Variants in RBFOX3 observed in about 807,000 individuals in gnomAD.
RBFOX3 encodes the protein RNA binding protein fox-1 homolog 3.
Under a neutral mutation model 48.7 loss-of-function variants are expected in RBFOX3, and 17 were observed. That is an observed-to-expected ratio of 0.35 (90% CI 0.24 to 0.52). RBFOX3 has a LOEUF of 0.52. Among genes scored for constraint, RBFOX3 ranks in the 20% least tolerant of loss-of-function variants. RBFOX3 has a pLI of 0.94. For synonymous variants in RBFOX3, 212 were observed against 209.5 expected, an observed-to-expected ratio of 1.01 and a Z score of -0.10; for missense variants, 382 against 497.5, an observed-to-expected ratio of 0.77 and a Z score of 2.21.
chr17:79,246,741 G>C (rs2063224051), intron 3 of RBFOX3, among the ~76,000 whole-genome samples: 1 of 152,188 alleles, frequency 6.6e-6, no homozygotes, highest in Non-Finnish European at 1.5e-5. Context: ...ACCTGAAGAG[G>C]CACCACCTCT....
At chr17:79,307,467 A>G (rs555466020) in intron 3 of RBFOX3, among the ~76,000 whole-genome samples, 3 of 152,228 alleles carry the variant, frequency 2.0e-5, no homozygotes, top group Non-Finnish European at 2.9e-5. Context: ...CTTGCTGATC[A>G]GTCTATTAAT....
rs796452434 is a variant in RBFOX3, at chr17:79,311,448, A to AC, written c.-174-3625_-174-3624insG. Among the ~76,000 whole-genome samples, 220 of 151,030 alleles carry AC rather than the reference A, an allele frequency of 1.5e-3. 1 individual carries two copies. Among genetic ancestry groups the AC allele is most frequent in the African/African-American group, 5.0e-3 (204 of 40,664 alleles). ...GACTCCATCTCCAAAAAAAAAAAAA[A>AC]AAAAAACAGACTGCAGCACCAATTC... is the stretch of plus-strand genomic sequence containing the variant. On this transcript the variant is annotated intron_variant, in intron 2 of 14. Transcript: ENST00000693108. This position sits in a 1 kb window ranked among gnomAD's most constrained non-coding sequence, Gnocchi z 4.2.
intron 2 of RBFOX3, among the ~76,000 whole-genome samples, chr17:79,442,560 A>C (rs916107883): frequency 2.6e-5 from 4 of 152,038 alleles, no homozygotes; most frequent in Non-Finnish European, 5.9e-5. Flanking sequence ...TCATGACAAA[A>C]TGCAGACACA....
At chr17:79,148,571 C>T (rs562196847) in intron 4 of RBFOX3, among the ~76,000 whole-genome samples, 7 of 152,368 alleles carry the variant, frequency 4.6e-5, no homozygotes, top group South Asian at 2.1e-4. Context: ...CACTGAACTT[C>T]TCTGGGTATC....
At chr17:79,239,984 C>A (rs1029594350) in intron 3 of RBFOX3, among the ~76,000 whole-genome samples, 5 of 152,194 alleles carry the variant, frequency 3.3e-5, no homozygotes, top group South Asian at 2.1e-4. Flanking sequence ...CTCCTTTAGG[C>A]CCCTTGATTC....
intron 1 of RBFOX3, among the ~76,000 whole-genome samples, chr17:79,489,240 T>TAAAAAAAAAAAAAAA (rs71161671): frequency 7.9e-6 from 1 of 126,510 alleles, no homozygotes; most frequent in Non-Finnish European, 1.6e-5. Flanking sequence ...GCCAGAAAGT[T>TAAAAAAAAAAAAAAA]AAAAAAAAAA....
intron 2 of RBFOX3, among the ~76,000 whole-genome samples, chr17:79,313,096 C>T (rs1367588362): frequency 6.6e-6 from 1 of 152,230 alleles, no homozygotes; most frequent in Non-Finnish European, 1.5e-5. Context: ...GGCACCTCTA[C>T]ATTGCTCTTG....
At chr17:79,625,370 T>G in the RBFOX3 span, among the ~76,000 whole-genome samples, 1 of 152,218 alleles carries the variant, frequency 6.6e-6, no homozygotes, top group Non-Finnish European at 1.5e-5. Flanking sequence ...CTGAGTAGTA[T>G]TCCATCGCAT....
intron 2 of RBFOX3, among the ~76,000 whole-genome samples, chr17:79,380,883 A>G (rs1040538165): frequency 2.0e-5 from 3 of 152,162 alleles, no homozygotes; most frequent in Non-Finnish European, 4.4e-5. Flanking sequence ...GTCGGCAGAC[A>G]TTGCTGCCCC....
chr17:79,260,587 G>A (rs1012394095), intron 3 of RBFOX3, among the ~76,000 whole-genome samples: 9 of 152,320 alleles, frequency 5.9e-5, no homozygotes, highest in African/African-American at 2.2e-4. Flanking sequence ...TCTGAGGGCA[G>A]CACTGATGGC....
intron 2 of RBFOX3, among the ~76,000 whole-genome samples, chr17:79,353,801 G>C: frequency 6.6e-6 from 1 of 152,054 alleles, no homozygotes; most frequent in South Asian, 2.1e-4. Context: ...TGAGGCACGA[G>C]GGGCCCCCAC....
At chr17:79,620,621 A>G in the RBFOX3 span, among the ~76,000 whole-genome samples, 1 of 97,928 alleles carries the variant, frequency 1.0e-5, no homozygotes, top group Non-Finnish European at 2.0e-5. Context: ...GCACACACGC[A>G]CATGCACACA....
chr17:79,108,964 C>T (rs2707028), intron 5 of RBFOX3, among the ~76,000 whole-genome samples: 58,612 of 152,086 alleles, frequency 0.39, 11,401 homozygotes, highest in Middle Eastern at 0.5. Flanking sequence ...CGTTGAACAG[C>T]GAGGATGCAG....
intron 6 of RBFOX3, 71 bp downstream of exon 6, chr17:79,106,580 G>T: frequency 1.4e-6 from 2 of 1,389,140 alleles, no homozygotes; most frequent in Non-Finnish European, 1.9e-6. Flanking sequence ...CAGGAAGGCA[G>T]GGCCTGTGGG....
At chr17:79,301,214 C>T (rs1185798582) in intron 3 of RBFOX3, among the ~76,000 whole-genome samples, 1 of 152,228 alleles carries the variant, frequency 6.6e-6, no homozygotes, top group Non-Finnish European at 1.5e-5. Flanking sequence ...TTTCTGGGTC[C>T]CAGCCCTTTA....
At chr17:79,598,144 C>T (rs1438867543) in intron 1 of RBFOX3, 1 of 152,280 alleles carries the variant, frequency 6.6e-6, no homozygotes, top group Non-Finnish European at 1.5e-5. Flanking sequence ...ATAACATTGC[C>T]TGGGCAGAAG....
chr17:79,261,591 C>T (rs149973249), intron 3 of RBFOX3, among the ~76,000 whole-genome samples: 2 of 152,302 alleles, frequency 1.3e-5, no homozygotes, highest in African/African-American at 2.4e-5. Flanking sequence ...GTCAATGATG[C>T]GGCAGGTCTG....
chr17:79,493,335 G>A (rs958384237), intron 1 of RBFOX3, among the ~76,000 whole-genome samples: 5 of 152,100 alleles, frequency 3.3e-5, no homozygotes, highest in African/African-American at 9.7e-5. Flanking sequence ...ATTTCAACAC[G>A]AGAGTTGGAG....
intron 1 of RBFOX3, among the ~76,000 whole-genome samples, chr17:79,511,951 C>T (rs1192450033): frequency 4.0e-5 from 6 of 148,230 alleles, no homozygotes; most frequent in Admixed American, 6.7e-5. Context: ...GATACAGCCC[C>T]ATGGCCAGGG....
Sources: gnomAD v4.1 joint callset for allele counts (sites outside exome capture counted in the v4.1 genomes callset) on GRCh38, gnomAD v4.1.1 for gene constraint, Gnocchi (gnomAD v3.1) non-coding constraint, MANE v1.5 for transcripts, NCBI Gene and HGNC (gene_info 2026-07-23, HGNC 2026-07-21) for gene names.